The following POT1 variants were observed in gnomAD, a reference collection of about 807,000 sequenced individuals.
The protein encoded by POT1 is protection of telomeres protein 1.
Under a neutral mutation model 78.5 loss-of-function variants are expected in POT1, and 47 were observed. The observed-to-expected ratio is 0.60, with a 90% CI of 0.47 to 0.76. POT1 has a LOEUF of 0.76. Among genes scored for constraint, POT1 ranks in the 30% least tolerant of loss-of-function variants. The probability of loss-of-function intolerance (pLI) is 0.00; values close to 1 mark genes in which losing one functional copy is unlikely to be tolerated. For synonymous variants in POT1, 259 were observed against 260.7 expected, an observed-to-expected ratio of 0.99 and a Z score of 0.06; for missense variants, 646 against 749.9, an observed-to-expected ratio of 0.86 and a Z score of 1.62.
Position 124,829,050 on chromosome 7 carries a change from G to C in POT1, c.1594+204C>G, listed in dbSNP as rs1213387718. 4.0e-6 allele frequency: 3 copies of C among 751,488 alleles called. No homozygotes were observed. The African/African-American group carries it at 5.1e-5, about 13-fold the overall frequency. The allele number at this position is 751,488 out of a possible 1,614,324, so 46.6% of individuals were successfully genotyped here. On this transcript the variant is annotated intron_variant, in intron 16 of 18. Coordinates refer to ENST00000357628, the MANE Select transcript of POT1 (RefSeq NM_015450.3). ...AATAGTAAGGCATAGGGGAAAGTAT[G>C]TGACGGTGCCTGCTTGAAGAAATAC...
chr7:124,860,333 A>G (rs534656831), intron 8 of POT1, among the ~76,000 whole-genome samples: 13 of 152,154 alleles, frequency 8.5e-5, no homozygotes, highest in Non-Finnish European at 1.8e-4. Flanking sequence ...ATGGTTACAA[A>G]GTATTTTATG....
Position 124,824,087 on chromosome 7 carries a change from A to C in POT1, c.1793-13T>G, listed in dbSNP as rs1794573549. 1.3e-6 allele frequency: 2 copies of C among 1,532,594 alleles called. No individual in the cohort carries two copies. Among genetic ancestry groups the C allele is most frequent in the Non-Finnish European group, 1.8e-6 (2 of 1,117,254 alleles). 94.9% of individuals were successfully genotyped at this position (1,532,594 alleles called of 1,614,324 possible). ...CACGGATATGCATCTACAAAAACAA[A>C]AACAAAAAAAGCGATTTAACCATTA... is the stretch of plus-strand genomic sequence containing the variant. On this transcript the variant is annotated splice_polypyrimidine_tract_variant and intron_variant, in intron 18 of 18. Transcript: ENST00000357628.
At chr7:124,828,438 A>G (rs1221121457) in intron 16 of POT1, among the ~76,000 whole-genome samples, 3 of 152,202 alleles carry the variant, frequency 2.0e-5, no homozygotes, top group Non-Finnish European at 4.4e-5. Flanking sequence ...ATTAGCTTTT[A>G]TCTGTGGAAC....
At chr7:124,884,076 T>C (rs1359262009) in intron 6 of POT1, among the ~76,000 whole-genome samples, 1 of 152,076 alleles carries the variant, frequency 6.6e-6, no homozygotes, top group Non-Finnish European at 1.5e-5. Flanking sequence ...ATTCATTTAA[T>C]GTGCAACCAG....
At chr7:124,879,661 T>G (rs539407890) in intron 6 of POT1, among the ~76,000 whole-genome samples, 1 of 152,268 alleles carries the variant, frequency 6.6e-6, no homozygotes, top group East Asian at 1.9e-4. Context: ...AATAGGATAT[T>G]TTTCTGTTGA....
intron 9 of POT1, among the ~76,000 whole-genome samples, chr7:124,856,292 G>C (rs1379320270): frequency 2.6e-5 from 4 of 152,110 alleles, no homozygotes; most frequent in Non-Finnish European, 5.9e-5. Context: ...AAATGTTACA[G>C]AGGTTGTCAG....
chr7:124,926,196 A>AC (rs1797268285), intron 2 of POT1, among the ~76,000 whole-genome samples: 1 of 152,188 alleles, frequency 6.6e-6, no homozygotes, highest in Non-Finnish European at 1.5e-5. Flanking sequence ...TGCAAACTAT[A>AC]CATTCAACAG....
At chr7:124,897,843 G>C (rs952593375) in intron 4 of POT1, among the ~76,000 whole-genome samples, 1 of 151,814 alleles carries the variant, frequency 6.6e-6, no homozygotes, top group Non-Finnish European at 1.5e-5. Flanking sequence ...GTGTGTGGAA[G>C]GTAGGGTGTT....
chr7:124,835,337 G>C lies in POT1; in HGVS notation c.1447C>G (p.Leu483Val), dbSNP rs1562977841. 1.2e-6 allele frequency: 2 copies of C among 1,614,056 alleles called. No individual in the cohort carries two copies. The highest frequency in any genetic ancestry group is 1.3e-5 in the African/African-American group (1 of 75,024). Reference sequence around the variant, plus strand: ...GGTGCTGAAAGGTCCAAAAGTTCCAGGTCTTCGTGGCCAGATCTCACAGGA... The same window carrying C: ...GGTGCTGAAAGGTCCAAAAGTTCCACGTCTTCGTGGCCAGATCTCACAGGA... The part of the protein sequence containing the change: ...VIPVRSGHED[L>V]ELLDLSAPFL... The change falls in exon 15 of 19, where the codon CTG becomes GTG. Residue 483 changes from leucine to valine, a missense_variant. Transcript: ENST00000357628.
chr7:124,846,991 T>A lies in POT1; in HGVS notation c.957A>T (p.Gly319=), dbSNP rs1301910586. 6.2e-7 allele frequency: 1 copy of A among 1,604,120 alleles called. No individual in the cohort carries two copies. The highest frequency in any genetic ancestry group is 1.3e-5 in the African/African-American group (1 of 74,780). Residue 319 remains glycine (G), a synonymous_variant, in exon 12 of 19, where the codon GGA becomes GGT. Coordinates refer to ENST00000357628, the MANE Select transcript of POT1 (RefSeq NM_015450.3). ...TTTCTACCTCGTATAATGATACTGA[T>A]CCAGAGCCTATAAAAAGGAAAAGGC... ...SEPDDSFPSS[G]SVSLYEVERC...
intron 3 of POT1, among the ~76,000 whole-genome samples, chr7:124,913,394 G>C (rs1298114960): frequency 6.6e-6 from 1 of 152,098 alleles, no homozygotes; most frequent in African/African-American, 2.4e-5. Context: ...TTAGATATAT[G>C]ATTTGCAAAT....
intron 14 of POT1, among the ~76,000 whole-genome samples, chr7:124,839,668 T>G (rs1363602313): frequency 6.6e-6 from 1 of 152,206 alleles, no homozygotes; most frequent in African/African-American, 2.4e-5. Flanking sequence ...TGCTTTTACA[T>G]ACATTCTCAT....
At chr7:124,900,906 C>A in intron 3 of POT1, 1 of 322,254 alleles carries the variant, frequency 3.1e-6, no homozygotes, top group Non-Finnish European at 6.6e-6. Context: ...ATTGCTGGCA[C>A]AGCAGTCCCA....
intron 18 of POT1, among the ~76,000 whole-genome samples, 155 bp from the exon 19 acceptor site, chr7:124,824,229 C>T (rs1376909027): frequency 6.6e-6 from 1 of 151,912 alleles, no homozygotes; most frequent in Non-Finnish European, 1.5e-5. Flanking sequence ...ACATTATTCT[C>T]TCTTCAAAAT....
chr7:124,916,979 A>G (rs1338232826), intron 2 of POT1, among the ~76,000 whole-genome samples: 1 of 152,170 alleles, frequency 6.6e-6, no homozygotes, highest in Non-Finnish European at 1.5e-5. Flanking sequence ...GGCAAAAAAA[A>G]ACATGTCAAT....
chr7:124,831,758 A>G (rs1194296590), intron 15 of POT1, among the ~76,000 whole-genome samples: 1 of 152,102 alleles, frequency 6.6e-6, no homozygotes, highest in Non-Finnish European at 1.5e-5. Context: ...GAAAATTTTA[A>G]TGAATCAAAA....
chr7:124,849,768 C>A (rs1159972031), intron 11 of POT1, among the ~76,000 whole-genome samples: 1 of 151,912 alleles, frequency 6.6e-6, no homozygotes, highest in Non-Finnish European at 1.5e-5. Context: ...TATTATGCAA[C>A]TATAATGAAT....
At chr7:124,919,072 T>C (rs1276215982) in intron 2 of POT1, among the ~76,000 whole-genome samples, 2 of 152,182 alleles carry the variant, frequency 1.3e-5, no homozygotes, top group Admixed American at 1.3e-4. Flanking sequence ...CCAACTTAGA[T>C]TGTACAGCCT....
At chr7:124,927,449 A>T (rs1224954116) in intron 2 of POT1, among the ~76,000 whole-genome samples, 1 of 152,204 alleles carries the variant, frequency 6.6e-6, no homozygotes, top group Non-Finnish European at 1.5e-5. Flanking sequence ...CTTAGGAGAG[A>T]ACATATACAA....
Sources: allele counts gnomAD v4.1 joint callset (sites outside exome capture counted in the v4.1 genomes callset), GRCh38; gene constraint gnomAD v4.1.1; transcripts MANE v1.5; gene names NCBI Gene and HGNC (gene_info 2026-07-23, HGNC 2026-07-21).